KIF13A: variants seen among roughly 807,000 people sequenced by gnomAD.
KIF13A encodes the protein kinesin family member 13A.
KIF13A carries 79 observed loss-of-function variants against 212.2 expected under a neutral mutation model. The ratio of observed to expected loss-of-function variants is 0.37; its 90% CI spans 0.31 to 0.45. KIF13A has a LOEUF of 0.45. Among genes scored for constraint, KIF13A ranks in the 20% least tolerant of loss-of-function variants. KIF13A has a pLI of 1.00. For synonymous variants in KIF13A, 789 were observed against 808.6 expected, an observed-to-expected ratio of 0.98 and a Z score of 0.41; for missense variants, 1,901 against 2,209.0, an observed-to-expected ratio of 0.86 and a Z score of 2.79.
At position 17,790,732 on chromosome 6, in the gene KIF13A, T is replaced by C. The variant is rs374331512; in HGVS notation, c.3223-822A>G. Among the ~76,000 whole-genome samples the C allele has an allele frequency of 7.2e-5, 11 of 152,248 alleles. No homozygotes were observed. The East Asian group carries it at 2.1e-3, about 29-fold the overall frequency. On this transcript the variant is annotated intron_variant, in intron 25 of 38. Transcript: ENST00000259711. ...ACCTCAGCTGTCTTCCCTGATGCAA[T>C]CATCCCAGGGGAAAGCTGGGGCAAC...
intron 2 of KIF13A, among the ~76,000 whole-genome samples, chr6:17,965,365 A>G (rs1779212383): frequency 6.6e-6 from 1 of 152,252 alleles, no homozygotes; most frequent in South Asian, 2.1e-4. Flanking sequence ...ATAGTATTCA[A>G]ATATGAAATA....
At chr6:17,810,227 C>A (rs1763315934) in intron 17 of KIF13A, among the ~76,000 whole-genome samples, 1 of 152,214 alleles carries the variant, frequency 6.6e-6, no homozygotes, top group Admixed American at 6.5e-5. Context: ...ATATCCCTGG[C>A]TCAGGGCCCT....
At chr6:17,804,126 T>A (rs1762725664) in intron 20 of KIF13A, among the ~76,000 whole-genome samples, 2 of 149,270 alleles carry the variant, frequency 1.3e-5, no homozygotes, top group Non-Finnish European at 3.0e-5. Flanking sequence ...CACTCCAGCC[T>A]GGGCGACAGA....
intron 2 of KIF13A, among the ~76,000 whole-genome samples, chr6:17,954,325 C>A (rs1346719891): frequency 6.9e-6 from 1 of 145,084 alleles, no homozygotes; most frequent in Non-Finnish European, 1.5e-5. Flanking sequence ...AAAAAAAAAT[C>A]AGATCAGCAT....
intron 4 of KIF13A, among the ~76,000 whole-genome samples, chr6:17,861,513 T>G (rs1273482215): frequency 1.3e-5 from 2 of 152,182 alleles, no homozygotes; most frequent in African/African-American, 4.8e-5. Flanking sequence ...CCTATTGACT[T>G]TACTAGGCAA....
intron 16 of KIF13A, chr6:17,821,826 C>T: frequency 6.5e-7 from 1 of 1,535,330 alleles, no homozygotes; most frequent in Non-Finnish European, 8.7e-7. Flanking sequence ...TCTGAAACCA[C>T]ATGAGAGGAA....
rs1377104881 is a variant in KIF13A, at chr6:17,837,314, GAGT to G, written c.942+155_942+157del. Reference sequence around the variant, plus strand: ...AACAGCATTCAAATGGAATAAAAAGGAGTAGAAAATAGTTTTCATTCTGTGTTC... The same window carrying G: ...AACAGCATTCAAATGGAATAAAAAGGAGAAAATAGTTTTCATTCTGTGTTC... On this transcript the variant is annotated intron_variant, in intron 10 of 38. Transcript: ENST00000259711. The surrounding 1 kb of genome is among the most constrained non-coding windows in gnomAD (Gnocchi z 5.4). 5.3e-5 allele frequency among the ~76,000 whole-genome samples: 8 copies of G among 152,162 alleles called. No homozygotes were observed. The highest frequency in any genetic ancestry group is 1.9e-4 in the African/African-American group (8 of 41,426).
At position 17,819,736 on chromosome 6, in the gene KIF13A, T is replaced by A. The variant is rs188245451; in HGVS notation, c.1787-2503A>T. ...AACTCCTATAACTTCTAAAAAAATA[T>A]GAGAAATATGGTAAAATTTTTTTGA... On this transcript the variant is annotated intron_variant, in intron 16 of 38. Coordinates refer to ENST00000259711, the MANE Select transcript of KIF13A (RefSeq NM_022113.6). 2.2e-3 allele frequency among the ~76,000 whole-genome samples: 330 copies of A among 152,242 alleles called. 4 individuals are homozygous for A. Among genetic ancestry groups the A allele is most frequent in the African/African-American group, 7.1e-3 (294 of 41,542 alleles).
chr6:17,831,965 T>A (rs1765492288), intron 12 of KIF13A, among the ~76,000 whole-genome samples: 1 of 151,966 alleles, frequency 6.6e-6, no homozygotes, highest in Non-Finnish European at 1.5e-5. Context: ...AGACAGGCCA[T>A]AAGAAAACAG....
At position 17,837,681 on chromosome 6, in the gene KIF13A, G is replaced by T. The variant is rs1766095988; in HGVS notation, c.831-98C>A. ...AAAGCTCCACAGTTAATACACGTTG[G>T]TGGCTCACGCCCGTAATCCCAGCAC... On this transcript the variant is annotated intron_variant, in intron 9 of 38. Coordinates refer to ENST00000259711, the MANE Select transcript of KIF13A (RefSeq NM_022113.6). The surrounding 1 kb of genome is among the most constrained non-coding windows in gnomAD (Gnocchi z 5.4). 4.8e-6 allele frequency: 4 copies of T among 839,716 alleles called. No individual in the cohort carries two copies. Among genetic ancestry groups the T allele is most frequent in the African/African-American group, 3.4e-5 (2 of 58,700 alleles). 52.0% of individuals were successfully genotyped at this position (839,716 alleles called of 1,614,324 possible).
At chr6:17,939,462 T>A (rs939647338) in intron 2 of KIF13A, among the ~76,000 whole-genome samples, 2 of 152,236 alleles carry the variant, frequency 1.3e-5, no homozygotes, top group African/African-American at 4.8e-5. Flanking sequence ...AGTCTGAGAA[T>A]CTGACCATTC....
intron 30 of KIF13A, 70 bp from the exon 31 acceptor site, chr6:17,780,976 A>G: frequency 6.9e-7 from 1 of 1,450,200 alleles, no homozygotes; most frequent in South Asian, 1.2e-5. Context: ...TACAGGACAT[A>G]CAAGAGAAAG....
Position 17,794,338 on chromosome 6 carries a change from G to C in KIF13A, c.3133C>G (p.Pro1045Ala). 1 of 1,613,044 alleles carries C rather than the reference G, an allele frequency of 6.2e-7. No individual in the cohort carries two copies. The highest frequency in any genetic ancestry group is 8.5e-7 in the Non-Finnish European group (1 of 1,179,076). ...VKPVQHSGTL[P>A]LMVEAILSVS... ...GACAGGATGGCTTCAACCATAAGTG[G>C]CAGTGTCCCTGAATGCTGCACAGGT... The change falls in exon 25 of 39, where the codon CCA (proline) becomes GCA (alanine). Residue 1045 changes from proline (P) to alanine (A), a missense_variant. By Grantham distance (27) the Pro-to-Ala change is conservative. Transcript: ENST00000259711. The surrounding 1 kb of genome is among the most constrained non-coding windows in gnomAD (Gnocchi z 4.1).
intron 4 of KIF13A, among the ~76,000 whole-genome samples, chr6:17,857,253 T>C (rs534834028): frequency 2.6e-5 from 4 of 152,326 alleles, no homozygotes; most frequent in East Asian, 1.9e-4. Flanking sequence ...ATTTGTGATA[T>C]GGTTTAGTTC....
rs1395485588 is a variant in KIF13A at position 17,825,474 on chromosome 6, A to T, written c.1786+294T>A. ...CTCGATGATGAGAAATTTGGTAAGG[A>T]ATTTTGTCAAAATCATTCAGTACTC... On this transcript the variant is annotated intron_variant, in intron 16 of 38. Transcript: ENST00000259711. The surrounding 1 kb of genome is among the most constrained non-coding windows in gnomAD (Gnocchi z 4.5). Among the ~76,000 whole-genome samples the T allele has an allele frequency of 2.0e-5, 3 of 152,140 alleles. No homozygotes were observed. Among genetic ancestry groups the T allele is most frequent in the Admixed American group, 6.6e-5 (1 of 15,258 alleles).
At position 17,982,474 on chromosome 6, in the gene KIF13A, A is replaced by G. The variant is rs1192488431; in HGVS notation, c.146+4580T>C. 2 of 974,838 alleles carry G rather than the reference A, an allele frequency of 2.1e-6. No homozygotes were observed. Among genetic ancestry groups the G allele is most frequent in the African/African-American group, 1.8e-5 (1 of 56,984 alleles). 60.4% of individuals were successfully genotyped at this position (974,838 alleles called of 1,614,324 possible). On this transcript the variant is annotated intron_variant, in intron 2 of 38. Coordinates refer to ENST00000259711, the MANE Select transcript of KIF13A (RefSeq NM_022113.6). The surrounding 1 kb of genome is among the most constrained non-coding windows in gnomAD (Gnocchi z 5.1). ...GGTGAATAAACTAAAAAATACATAC[A>G]AAGTTTAGTAAGAGGAAGCTTTCTT...
intron 2 of KIF13A, among the ~76,000 whole-genome samples, chr6:17,957,960 C>G (rs756856417): frequency 6.6e-6 from 1 of 152,150 alleles, no homozygotes; most frequent in African/African-American, 2.4e-5. Flanking sequence ...AAAAGAACAG[C>G]CTGAGGTTTA....
chr6:17,986,631 A>C (rs1781576801), intron 2 of KIF13A, among the ~76,000 whole-genome samples: 1 of 152,252 alleles, frequency 6.6e-6, no homozygotes, highest in Admixed American at 6.5e-5. Context: ...ATTCTGCCAA[A>C]GGAAACAAAC....
At chr6:17,878,026 C>CTCAT (rs1308743755) in intron 3 of KIF13A, among the ~76,000 whole-genome samples, 4 of 152,202 alleles carry the variant, frequency 2.6e-5, no homozygotes, top group African/African-American at 9.7e-5. Context: ...ACTCGTGGAG[C>CTCAT]TCATGAGTAT....
Sources: gnomAD v4.1 joint callset for allele counts (sites outside exome capture counted in the v4.1 genomes callset) on GRCh38, gnomAD v4.1.1 for gene constraint, Gnocchi (gnomAD v3.1) non-coding constraint, MANE v1.5 for transcripts, NCBI Gene and HGNC (gene_info 2026-07-23, HGNC 2026-07-21) for gene names.